The following ST7 variants were observed in gnomAD, a reference collection of about 807,000 sequenced individuals.
ST7 encodes the protein suppressor of tumorigenicity 7 protein.
In ST7, 28 loss-of-function variants were observed where a neutral mutation model predicts 78.7. The observed-to-expected ratio is 0.36, with a 90% confidence interval of 0.26 to 0.49. ST7 has a LOEUF of 0.49. ST7 is among the 20% of genes least tolerant of loss of function. The probability of loss-of-function intolerance (pLI) is 0.99; values close to 1 mark genes in which losing one functional copy is unlikely to be tolerated. For missense variants in ST7, 418 were observed against 696.0 expected, an observed-to-expected ratio of 0.60 and a Z score of 4.49; for synonymous variants, 247 against 249.6, an observed-to-expected ratio of 0.99 and a Z score of 0.10.
chr7:117,096,100 A>T (rs1801021646), intron 1 of ST7, among the ~76,000 whole-genome samples: 1 of 132,068 alleles, frequency 7.6e-6, no homozygotes. Flanking sequence ...AAAAAAAAAG[A>T]ATATCAGGAA....
At chr7:117,064,805 T>G (rs1488260257) in intron 1 of ST7, among the ~76,000 whole-genome samples, 1 of 152,160 alleles carries the variant, frequency 6.6e-6, no homozygotes, top group Non-Finnish European at 1.5e-5. Context: ...CCTGCAAAAA[T>G]TTTAAGAGTT....
intron 7 of ST7, among the ~76,000 whole-genome samples, chr7:117,134,779 G>A (rs1282502121): frequency 1.3e-5 from 2 of 151,998 alleles, no homozygotes; most frequent in Non-Finnish European, 2.9e-5. Context: ...CCAAGTCATG[G>A]ATGCTGCCAT....
intron 1 of ST7, among the ~76,000 whole-genome samples, chr7:117,075,215 C>T (rs1232137969): frequency 6.6e-6 from 1 of 152,042 alleles, no homozygotes; most frequent in East Asian, 1.9e-4. Context: ...ATACTAATGG[C>T]CAGTATCCTT....
intron 9 of ST7, 101 bp downstream of exon 9, chr7:117,138,633 G>A: frequency 1.2e-6 from 1 of 806,336 alleles, no homozygotes. Flanking sequence ...GGTCCCATGG[G>A]TTCTGGAGCC....
At chr7:116,985,629 G>A (rs951609204) in intron 1 of ST7, among the ~76,000 whole-genome samples, 3 of 152,182 alleles carry the variant, frequency 2.0e-5, no homozygotes, top group Admixed American at 6.5e-5. Context: ...CATGAAGTTA[G>A]GAATAATTAA....
At chr7:117,198,224 A>G (rs1302183114) in intron 12 of ST7, 1 of 394,290 alleles carries the variant, frequency 2.5e-6, no homozygotes, top group Non-Finnish European at 5.1e-6. Context: ...GGTAAATGAA[A>G]TTACATCGTG....
At chr7:117,144,692 C>T (rs1168002036) in intron 9 of ST7, among the ~76,000 whole-genome samples, 1 of 151,420 alleles carries the variant, frequency 6.6e-6, no homozygotes, top group Non-Finnish European at 1.5e-5. Context: ...CAGGGGTTCC[C>T]TGACCATGCC....
intron 1 of ST7, among the ~76,000 whole-genome samples, chr7:117,050,161 G>A (rs1292706317): frequency 3.3e-5 from 5 of 151,272 alleles, no homozygotes; most frequent in African/African-American, 1.2e-4. Context: ...GTTGCAGTGA[G>A]CTGAGATTGC....
chr7:117,077,589 T>C (rs1015160781), intron 1 of ST7, among the ~76,000 whole-genome samples: 1 of 152,212 alleles, frequency 6.6e-6, no homozygotes, highest in Non-Finnish European at 1.5e-5. Flanking sequence ...TCTGCTTTTA[T>C]GCTACTGCAG....
intron 1 of ST7, among the ~76,000 whole-genome samples, chr7:116,979,377 C>G (rs1324132027): frequency 6.6e-6 from 1 of 152,194 alleles, no homozygotes; most frequent in Non-Finnish European, 1.5e-5. Flanking sequence ...TTGTCTTATG[C>G]TGTATCTTTC....
chr7:117,085,485 A>G (rs1291055935), intron 1 of ST7, among the ~76,000 whole-genome samples: 1 of 152,206 alleles, frequency 6.6e-6, no homozygotes, highest in East Asian at 1.9e-4. Flanking sequence ...TTACCAAACA[A>G]TATTTATGGC....
intron 8 of ST7, among the ~76,000 whole-genome samples, chr7:117,137,693 C>T (rs991495231): frequency 6.6e-6 from 1 of 152,098 alleles, no homozygotes; most frequent in Non-Finnish European, 1.5e-5. Context: ...ACAGGTGTGT[C>T]ATATTTTCTC....
At chr7:117,176,947 G>A (rs900051028) in intron 10 of ST7, among the ~76,000 whole-genome samples, 5 of 152,154 alleles carry the variant, frequency 3.3e-5, no homozygotes, top group African/African-American at 7.2e-5. Flanking sequence ...CCCTGGGCTC[G>A]CTGTTACGGA....
At chr7:117,153,426 T>C (rs181120252) in intron 9 of ST7, among the ~76,000 whole-genome samples, 126 of 152,102 alleles carry the variant, frequency 8.3e-4, no homozygotes, top group African/African-American at 3.0e-3. Flanking sequence ...GATGAGATTA[T>C]GGAGGAAAAA....
At chr7:116,992,776 C>G (rs1341425093) in intron 1 of ST7, among the ~76,000 whole-genome samples, 1 of 152,212 alleles carries the variant, frequency 6.6e-6, no homozygotes, top group East Asian at 1.9e-4. Flanking sequence ...GTTTTATGCT[C>G]TGCTTCCCTT....
At position 116,959,523 on chromosome 7, in the gene ST7, G is replaced by A. The variant is rs1240379725; in HGVS notation, c.151+5832G>A. On this transcript the variant is annotated intron_variant, in intron 1 of 15. Coordinates refer to ENST00000323984, the MANE Select transcript of ST7 (RefSeq NM_001369598.1). ...GATGAATGAATATCCAAGTTACGGT[G>A]TATTTAGTGAGCTGGGATTGGAACA... 1.4e-5 allele frequency: 4 copies of A among 283,668 alleles called. No individual in the cohort carries two copies. In the East Asian group the frequency reaches 3.0e-4, roughly 22 times the overall value. The allele number at this position is 283,668 out of a possible 1,614,324, so 17.6% of individuals were successfully genotyped here. A position where few individuals can be genotyped will look rare whatever the true frequency, so the allele number is the denominator to read the frequency against.
At chr7:117,077,470 G>C (rs1584585790) in intron 1 of ST7, among the ~76,000 whole-genome samples, 1 of 152,140 alleles carries the variant, frequency 6.6e-6, no homozygotes, top group Non-Finnish European at 1.5e-5. Context: ...GAAGGTAGAA[G>C]TATAACATAT....
intron 1 of ST7, chr7:116,973,022 A>G: frequency 1.5e-6 from 1 of 688,724 alleles, no homozygotes; most frequent in Non-Finnish European, 2.6e-6. Context: ...ATTTGTTTAT[A>G]GCAGTATGGA....
chr7:117,088,029 C>T (rs139769992), intron 1 of ST7, among the ~76,000 whole-genome samples: 3 of 152,332 alleles, frequency 2.0e-5, no homozygotes, highest in Admixed American at 6.5e-5. Flanking sequence ...CCAGCATTCT[C>T]TCCCACTGCT....
Sources: gnomAD v4.1 joint callset for allele counts (sites outside exome capture counted in the v4.1 genomes callset) on GRCh38, gnomAD v4.1.1 for gene constraint, MANE v1.5 for transcripts, NCBI Gene and HGNC (gene_info 2026-07-23, HGNC 2026-07-21) for gene names.